The following NXNL1 variants were observed in gnomAD, a reference collection of about 807,000 sequenced individuals.
NXNL1 encodes nucleoredoxin-like protein 1.
Under a neutral mutation model 7.2 loss-of-function variants are expected in NXNL1, and 6 were observed. That is an observed-to-expected ratio of 0.83 (90% confidence interval 0.46 to 1.64). NXNL1 has a LOEUF of 1.64. Ranked by LOEUF, NXNL1 falls within the 40% of genes most tolerant of loss-of-function variation. The probability of loss-of-function intolerance (pLI) is 0.01; values close to 1 mark genes in which losing one functional copy is unlikely to be tolerated. For missense variants in NXNL1, 308 were observed against 285.1 expected, an observed-to-expected ratio of 1.08 and a Z score of -0.58; for synonymous variants, 133 against 127.2, an observed-to-expected ratio of 1.05 and a Z score of -0.31.
In NXNL1 at chr19:17,460,880, G is replaced by A; in HGVS notation, c.-11C>T. The A allele has an allele frequency of 6.2e-7, 1 of 1,612,020 alleles. No individual in the cohort carries two copies. Among genetic ancestry groups the A allele is most frequent in the Non-Finnish European group, 8.5e-7 (1 of 1,179,988 alleles). ...GAACAGGGAGGCCATGGTAACCTGGGTTGGGTGCTGGGGACAGCGCGGCGT... is the reference window on the plus strand; with the variant it reads ...GAACAGGGAGGCCATGGTAACCTGGATTGGGTGCTGGGGACAGCGCGGCGT... On this transcript the variant is annotated 5_prime_UTR_variant, in exon 1 of 2. Transcript: ENST00000301944.
chr19:17,455,667 C>CCCCCCCCCCCCCCCCCCCCCCCCCCCGG lies in NXNL1; in HGVS notation c.618_619insCCGGGGGGGGGGGGGGGGGGGGGGGGGG (p.Gly207ProfsTer19). On this transcript the variant is annotated frameshift_variant, in exon 2 of 2. Transcript: ENST00000301944. LOFTEE classifies it high-confidence loss of function. Reference sequence around the variant, plus strand: ...GCGGGTCAGAACAGCCCCCCGGCCCCGCCCTCCTCCCCACCCCCTCCCCCG... The same window carrying CCCCCCCCCCCCCCCCCCCCCCCCCCCGG: ...GCGGGTCAGAACAGCCCCCCGGCCCCCCCCCCCCCCCCCCCCCCCCCCCCCCGGGCCCTCCTCCCCACCCCCTCCCCCG... The CCCCCCCCCCCCCCCCCCCCCCCCCCCGG allele has an allele frequency of 3.8e-6, 3 of 787,786 alleles. No individual in the cohort carries two copies. Among genetic ancestry groups the CCCCCCCCCCCCCCCCCCCCCCCCCCCGG allele is most frequent in the Non-Finnish European group, 6.3e-6 (3 of 478,540 alleles). 48.8% of individuals were successfully genotyped at this position (787,786 alleles called of 1,614,324 possible).
chr19:17,458,754 A>G (rs2075002825), intron 1 of NXNL1, among the ~76,000 whole-genome samples: 1 of 151,312 alleles, frequency 6.6e-6, no homozygotes, highest in Non-Finnish European at 1.5e-5. Flanking sequence ...GGTACCCAAC[A>G]CTACGTCTGG....
chr19:17,458,997 G>A (rs2075003607), intron 1 of NXNL1, among the ~76,000 whole-genome samples: 1 of 152,090 alleles, frequency 6.6e-6, no homozygotes, highest in South Asian at 2.1e-4. Flanking sequence ...CCAGCCTCAA[G>A]CAATCCTCCT....
chr19:17,460,822 G>T lies in NXNL1; in HGVS notation c.48C>A (p.Asp16Glu). 6.2e-7 allele frequency: 1 copy of T among 1,613,824 alleles called. No homozygotes were observed. The highest frequency in any genetic ancestry group is 8.5e-7 in the Non-Finnish European group (1 of 1,180,030). Reference protein sequence around the residue: ...SGRILIRNNSDQDELDTEAEV... With the variant: ...SGRILIRNNSEQDELDTEAEV... ...CAGCCTCCGTATCCAGCTCGTCCTG[G>T]TCGCTATTGTTGCGGATCAGGATGC... Residue 16 changes from aspartate to glutamate, a missense_variant, in exon 1 of 2, where the codon GAC becomes GAA. By Grantham distance (45) the Asp-to-Glu change is conservative. Transcript: ENST00000301944.
intron 1 of NXNL1, 69 bp from the exon 2 acceptor site, chr19:17,456,028 C>G: frequency 2.5e-6 from 4 of 1,586,638 alleles, no homozygotes; most frequent in Non-Finnish European, 3.4e-6. Flanking sequence ...CCCCACATCC[C>G]TCCTCCCAGT....
In NXNL1 at chr19:17,460,621, C is replaced by A. The variant is rs374141772; in HGVS notation, c.249G>T (p.Thr83=). Residue 83 remains threonine, a synonymous_variant, in exon 1 of 2, where the codon ACG becomes ACT. Transcript: ENST00000301944. ...TGAGGAACAGGTCCTGCTGCTCCTC[C>A]GTGGAGTCCTGGGACACGTACACCA... is the stretch of plus-strand genomic sequence containing the variant. ...LALVYVSQDS[T]EEQQDLFLKD... is the part of the protein sequence containing the mutation. The A allele has an allele frequency of 2.7e-5, 44 of 1,611,384 alleles. No individual in the cohort carries two copies. The highest frequency in any genetic ancestry group is 3.3e-5 in the Non-Finnish European group (39 of 1,180,036).
intron 1 of NXNL1, among the ~76,000 whole-genome samples, chr19:17,459,693 C>T (rs1349149804): frequency 2.0e-5 from 3 of 151,942 alleles, no homozygotes; most frequent in African/African-American, 7.3e-5. Flanking sequence ...GCTAGATTTA[C>T]AGGTGTGAGC....
At chr19:17,457,212 A>G (rs1378490711) in intron 1 of NXNL1, among the ~76,000 whole-genome samples, 1 of 152,104 alleles carries the variant, frequency 6.6e-6, no homozygotes, top group East Asian at 1.9e-4. Context: ...AGCTTCAGCA[A>G]CATAACGAGA....
rs755786836 is a variant in NXNL1 at position 17,460,628 on chromosome 19, T to C, written c.242A>G (p.Asp81Gly). The stretch of plus-strand genomic sequence containing the variant: ...CAGGTCCTGCTGCTCCTCCGTGGAG[T>C]CCTGGGACACGTACACCAGGGCCAG... The part of the protein sequence containing the change: ...AQLALVYVSQ[D>G]STEEQQDLFL... The change falls in exon 1 of 2, where the codon GAC becomes GGC. Residue 81 changes from aspartate to glycine, a missense_variant. Coordinates refer to ENST00000301944, the MANE Select transcript of NXNL1 (RefSeq NM_138454.2). 5 of 1,611,920 alleles carry C rather than the reference T, an allele frequency of 3.1e-6. No homozygotes were observed. In the African/African-American group the frequency reaches 6.7e-5, roughly 22 times the overall value.
chr19:17,457,701 C>T (rs2074998218), intron 1 of NXNL1, among the ~76,000 whole-genome samples: 1 of 152,162 alleles, frequency 6.6e-6, no homozygotes, highest in East Asian at 1.9e-4. Context: ...GACATCCCGT[C>T]TACGGGGGAT....
chr19:17,460,903 C>A lies in NXNL1; in HGVS notation c.-34G>T. On this transcript the variant is annotated 5_prime_UTR_variant, in exon 1 of 2. Coordinates refer to ENST00000301944, the MANE Select transcript of NXNL1 (RefSeq NM_138454.2). ...GGGTTGGGTGCTGGGGACAGCGCGG[C>A]GTGTGGTCCCCGGTCTGCTGACTGG... 1 of 1,601,598 alleles carries A rather than the reference C, an allele frequency of 6.2e-7. No homozygotes were observed.
chr19:17,460,523 G>A, intron 1 of NXNL1, 21 bp downstream of exon 1: 2 of 1,598,342 alleles, frequency 1.3e-6, no homozygotes, highest in Non-Finnish European at 1.7e-6. Flanking sequence ...CCTCCAGGAA[G>A]CCCTCCCTGC....
intron 1 of NXNL1, 132 bp downstream of exon 1, chr19:17,460,412 C>G (rs2075008134): frequency 1.0e-6 from 1 of 979,284 alleles, no homozygotes; most frequent in East Asian, 2.6e-5. Context: ...GTGGGCACCC[C>G]TGTCTGTACC....
Position 17,455,852 on chromosome 19 carries a change from C to T in NXNL1, c.434G>A (p.Gly145Asp). The T allele has an allele frequency of 6.3e-7, 1 of 1,588,430 alleles. No homozygotes were observed. The highest frequency in any genetic ancestry group is 8.5e-7 in the Non-Finnish European group (1 of 1,173,886). The part of the protein sequence containing the change: ...RDGADEIQRL[G>D]TACFANWQEA... ...CTGCCAGTTGGCGAAGCAGGCGGTG[C>T]CCAGGCGCTGGATCTCGTCGGCGCC... Residue 145 changes from glycine (G) to aspartate (D), a missense_variant, in exon 2 of 2, where the codon GGC becomes GAC. Transcript: ENST00000301944.
chr19:17,458,413 G>A (rs1452601492), intron 1 of NXNL1, among the ~76,000 whole-genome samples: 1 of 150,462 alleles, frequency 6.6e-6, no homozygotes, highest in Non-Finnish European at 1.5e-5. Flanking sequence ...GTAGAGACGG[G>A]GTTTCACCCT....
rs536624558 is a variant in NXNL1 at position 17,459,986 on chromosome 19, G to A, written c.326+558C>T. Among the ~76,000 whole-genome samples the A allele has an allele frequency of 2.0e-4, 30 of 151,858 alleles. No individual in the cohort carries two copies. In the South Asian group the frequency reaches 5.6e-3, roughly 28 times the overall value. Reference sequence around the variant, plus strand: ...TTTGTGGCCTAGCTTTGTCCTCTGAGCACTACTGCAATTCGCTATTATATA... The same window carrying A: ...TTTGTGGCCTAGCTTTGTCCTCTGAACACTACTGCAATTCGCTATTATATA... On this transcript the variant is annotated intron_variant, in intron 1 of 1. Transcript: ENST00000301944.
intron 1 of NXNL1, among the ~76,000 whole-genome samples, chr19:17,456,649 A>G (rs1211881192): frequency 6.6e-6 from 1 of 152,046 alleles, no homozygotes; most frequent in Non-Finnish European, 1.5e-5. Flanking sequence ...TGGGAGGCTG[A>G]GATAGGCGGA....
intron 1 of NXNL1, among the ~76,000 whole-genome samples, chr19:17,459,676 C>T (rs1208166547): frequency 1.3e-5 from 2 of 151,928 alleles, no homozygotes; most frequent in East Asian, 1.9e-4. Context: ...CCTTGGCCTC[C>T]CAAAGTGCTA....
rs1316182063 is a variant in NXNL1 at position 17,460,693 on chromosome 19, C to T, written c.177G>A (p.Val59=). The T allele has an allele frequency of 6.2e-7, 1 of 1,613,818 alleles. No individual in the cohort carries two copies. The highest frequency in any genetic ancestry group is 1.7e-5 in the Admixed American group (1 of 60,008). Residue 59 remains valine (V), a synonymous_variant, in exon 1 of 2, where the codon GTG becomes GTA. Transcript: ENST00000301944. The part of the protein sequence containing the change: ...AFVPILKDFF[V]RLTDEFYVLR... ...GTACATAGAACTCATCTGTGAGCCG[C>T]ACGAAGAAGTCCTTGAGGATGGGCA...
Sources: gnomAD v4.1 joint callset for allele counts (sites outside exome capture counted in the v4.1 genomes callset) on GRCh38, gnomAD v4.1.1 for gene constraint, MANE v1.5 for transcripts, NCBI Gene and HGNC (gene_info 2026-07-23, HGNC 2026-07-21) for gene names.